The following ANKS1B variants were observed in gnomAD, a reference collection of about 807,000 sequenced individuals.
ANKS1B encodes the protein ankyrin repeat and sterile alpha motif domain containing 1B, also known as ankyrin repeat and sterile alpha motif domain-containing protein 1B.
ANKS1B carries 36 observed loss-of-function variants against 148.3 expected under a neutral mutation model. The observed-to-expected ratio is 0.24, with a 90% CI of 0.19 to 0.32. The LOEUF (loss-of-function observed/expected upper bound fraction) is 0.32. ANKS1B is among the 10% of genes least tolerant of loss of function. The probability of loss-of-function intolerance (pLI) is 1.00; values close to 1 mark genes in which losing one functional copy is unlikely to be tolerated. For synonymous variants in ANKS1B, 542 were observed against 560.8 expected, an observed-to-expected ratio of 0.97 and a Z score of 0.47; for missense variants, 1,157 against 1,542.6, an observed-to-expected ratio of 0.75 and a Z score of 4.19.
intron 1 of ANKS1B, among the ~76,000 whole-genome samples, chr12:99,880,205 T>C (rs987057375): frequency 6.6e-6 from 1 of 152,190 alleles, no homozygotes; most frequent in Non-Finnish European, 1.5e-5. Context: ...GTGAGAGTAA[T>C]ATGCACTAAG....
intron 17 of ANKS1B, among the ~76,000 whole-genome samples, chr12:98,926,690 G>A (rs1200180313): frequency 6.6e-6 from 1 of 152,140 alleles, no homozygotes; most frequent in Non-Finnish European, 1.5e-5. Flanking sequence ...GTTAACAAAG[G>A]ATATAAATGA....
intron 10 of ANKS1B, among the ~76,000 whole-genome samples, chr12:99,503,085 G>T (rs2096671427): frequency 6.6e-6 from 1 of 152,106 alleles, no homozygotes; most frequent in African/African-American, 2.4e-5. Context: ...TACAGGCATG[G>T]GCCATCACGT....
chr12:99,285,296 A>G (rs564991062), intron 12 of ANKS1B, among the ~76,000 whole-genome samples: 2 of 152,296 alleles, frequency 1.3e-5, no homozygotes, highest in South Asian at 4.1e-4. Context: ...TTAATAGTTC[A>G]TTCCTTTTTA....
intron 17 of ANKS1B, among the ~76,000 whole-genome samples, chr12:98,837,237 C>T (rs1344707649): frequency 6.6e-6 from 1 of 150,402 alleles, no homozygotes; most frequent in Admixed American, 6.6e-5. Flanking sequence ...CTCGGGAGGC[C>T]GAGGCAGGAG....
intron 22 of ANKS1B, among the ~76,000 whole-genome samples, chr12:98,795,315 G>C (rs1220814412): frequency 1.3e-5 from 2 of 152,194 alleles, no homozygotes; most frequent in African/African-American, 4.8e-5. Flanking sequence ...TTGCATCTTA[G>C]AAGAGCATAA....
chr12:99,779,973 C>A lies in ANKS1B; in HGVS notation c.746-1G>T. ...CTATCCTTTATGTTGGCATCAATTC[C>A]TGAAAGAAAAAGAAAAACTCACTAG... On this transcript the variant is annotated splice_acceptor_variant, in intron 5 of 26. Transcript: ENST00000683438. LOFTEE classifies it high-confidence loss of function. 1 of 1,605,964 alleles carries A rather than the reference C, an allele frequency of 6.2e-7. No individual in the cohort carries two copies. The highest frequency in any genetic ancestry group is 8.5e-7 in the Non-Finnish European group (1 of 1,176,872).
intron 9 of ANKS1B, among the ~76,000 whole-genome samples, chr12:99,554,061 A>C (rs2097251940): frequency 6.6e-6 from 1 of 152,188 alleles, no homozygotes; most frequent in African/African-American, 2.4e-5. Flanking sequence ...ACACAGAAGA[A>C]AGCAAAGCCC....
intron 15 of ANKS1B, among the ~76,000 whole-genome samples, chr12:99,141,662 A>G (rs756960907): frequency 6.6e-6 from 1 of 151,690 alleles, no homozygotes; most frequent in Admixed American, 6.6e-5. Flanking sequence ...TCCCATTTAT[A>G]AATGAGAACG....
chr12:98,831,963 G>T (rs2099320538), intron 18 of ANKS1B, 66 bp downstream of exon 18: 1 of 1,429,298 alleles, frequency 7.0e-7, no homozygotes, highest in African/African-American at 1.4e-5. Flanking sequence ...TGTTGGCCAG[G>T]CTGGTCTCAA....
At chr12:98,753,409 T>C (rs896056607) in intron 25 of ANKS1B, among the ~76,000 whole-genome samples, 3 of 148,916 alleles carry the variant, frequency 2.0e-5, no homozygotes, top group African/African-American at 5.0e-5. Flanking sequence ...AGAGCAGGCA[T>C]GGTCTGCCCC....
intron 12 of ANKS1B, among the ~76,000 whole-genome samples, chr12:99,361,998 G>A (rs1191761889): frequency 6.6e-6 from 1 of 151,704 alleles, no homozygotes; most frequent in African/African-American, 2.4e-5. Context: ...TGCCATGTAG[G>A]AAGATAATTA....
intron 17 of ANKS1B, among the ~76,000 whole-genome samples, chr12:98,842,872 T>C (rs7314622): frequency 0.26 from 39,963 of 152,174 alleles, 5,926 homozygotes; most frequent in Admixed American, 0.34. Flanking sequence ...AAGTGCACAA[T>C]ACAGTAAATT....
At chr12:99,203,746 C>A (rs111779257) in intron 14 of ANKS1B, among the ~76,000 whole-genome samples, 2,496 of 152,286 alleles carry the variant, frequency 0.016, 66 homozygotes, top group African/African-American at 0.056. Context: ...CCACTGCACC[C>A]GGCCAAGACC....
At chr12:99,006,369 A>G (rs1378879224) in intron 17 of ANKS1B, among the ~76,000 whole-genome samples, 1 of 152,204 alleles carries the variant, frequency 6.6e-6, no homozygotes, top group Non-Finnish European at 1.5e-5. Context: ...CTTTTGAGGG[A>G]TTCATGACTA....
At chr12:99,965,499 G>A (rs1223608283) in intron 1 of ANKS1B, among the ~76,000 whole-genome samples, 1 of 152,116 alleles carries the variant, frequency 6.6e-6, no homozygotes, top group African/African-American at 2.4e-5. Flanking sequence ...ATATATAGAA[G>A]TTTGACAACC....
intron 23 of ANKS1B, 129 bp downstream of exon 23, chr12:98,781,997 T>G: frequency 1.3e-6 from 1 of 781,400 alleles, no homozygotes. Context: ...GCAAAAAGTT[T>G]CTCTATAATT....
intron 17 of ANKS1B, among the ~76,000 whole-genome samples, chr12:99,018,038 C>G (rs1360143091): frequency 6.6e-6 from 1 of 152,174 alleles, no homozygotes; most frequent in Non-Finnish European, 1.5e-5. Context: ...GACATGCCCT[C>G]AAGCTGGCTC....
At chr12:99,877,938 T>C (rs770445822) in intron 1 of ANKS1B, among the ~76,000 whole-genome samples, 13 of 152,122 alleles carry the variant, frequency 8.5e-5, no homozygotes, top group Non-Finnish European at 1.3e-4. Context: ...CTTGCTCCTG[T>C]AGTCCCAGCT....
At position 99,000,967 on chromosome 12, in the gene ANKS1B, C is replaced by CTG. The variant is rs377515057; in HGVS notation, c.2778+52188_2778+52189dup. Among the ~76,000 whole-genome samples the CTG allele has an allele frequency of 1.9e-3, 289 of 150,062 alleles. 2 individuals carry two copies. The highest frequency in any genetic ancestry group is 4.6e-3 in the African/African-American group (189 of 41,024). ...AAGGCTGAGGCTGAGTAATATTCCG[C>CTG]TGTGTGTGTGTGTGTGTGCGCGCGT... On this transcript the variant is annotated intron_variant, in intron 17 of 26. Coordinates refer to ENST00000683438, the MANE Select transcript of ANKS1B (RefSeq NM_001352186.2).
Sources: gnomAD v4.1 joint callset for allele counts (sites outside exome capture counted in the v4.1 genomes callset) on GRCh38, gnomAD v4.1.1 for gene constraint, MANE v1.5 for transcripts, NCBI Gene and HGNC (gene_info 2026-07-23, HGNC 2026-07-21) for gene names.